The following INTS2 variants were observed in gnomAD, a reference collection of about 807,000 sequenced individuals.
INTS2 encodes KIAA1287.
INTS2 carries 57 observed loss-of-function variants against 139.6 expected under a neutral mutation model. That is an observed-to-expected ratio of 0.41 (90% CI 0.33 to 0.51). The LOEUF is 0.51. Among genes scored for constraint, INTS2 ranks in the 20% least tolerant of loss-of-function variants. INTS2 has a pLI of 0.28. For missense variants in INTS2, 1,196 were observed against 1,436.7 expected, an observed-to-expected ratio of 0.83 and a Z score of 2.71; for synonymous variants, 473 against 493.4, an observed-to-expected ratio of 0.96 and a Z score of 0.55.
Position 61,927,685 on chromosome 17 carries a change from G to C in INTS2, c.-50C>G, listed in dbSNP as rs564194117. Reference sequence around the variant, plus strand: ...ATCTACCCTCCAGCCTCACGGAACCGCACACGGACTCCGCGTCCTAGAGGC... The same window carrying C: ...ATCTACCCTCCAGCCTCACGGAACCCCACACGGACTCCGCGTCCTAGAGGC... On this transcript the variant is annotated 5_prime_UTR_variant, in exon 1 of 25. Coordinates refer to ENST00000251334, the MANE Select transcript of INTS2 (RefSeq NM_001351695.2). 2.1e-6 allele frequency: 3 copies of C among 1,430,806 alleles called. No individual in the cohort carries two copies. The highest frequency in any genetic ancestry group is 5.1e-5 in the East Asian group (2 of 38,884). 88.6% of individuals were successfully genotyped at this position (1,430,806 alleles called of 1,614,324 possible).
chr17:61,908,306 T>C (rs2079487593), intron 7 of INTS2, among the ~76,000 whole-genome samples: 1 of 152,070 alleles, frequency 6.6e-6, no homozygotes, highest in African/African-American at 2.4e-5. Flanking sequence ...TCCCAGCTAC[T>C]TGGGAGGCTG....
intron 11 of INTS2, among the ~76,000 whole-genome samples, chr17:61,896,260 A>AAAAC (rs2079348347): frequency 6.6e-6 from 1 of 151,388 alleles, no homozygotes; most frequent in African/African-American, 2.4e-5. Flanking sequence ...AACAAAAAAA[A>AAAAC]AACATTTAAT....
rs1033339683 is a variant in INTS2 at position 61,867,146 on chromosome 17, C to A, written c.*411G>T. The A allele has an allele frequency of 3.3e-5, 5 of 152,886 alleles. No individual in the cohort carries two copies. Among genetic ancestry groups the A allele is most frequent in the African/African-American group, 1.2e-4 (5 of 41,444 alleles). 9.5% of individuals were successfully genotyped at this position (152,886 alleles called of 1,614,324 possible). A position where few individuals can be genotyped will look rare whatever the true frequency, so the allele number is the denominator to read the frequency against. ...ACCCTTTTTTCCTCTCCCATCTTTG[C>A]ATCTTTGTCACATTCTGTTACAAGC... On this transcript the variant is annotated 3_prime_UTR_variant, in exon 25 of 25. Transcript: ENST00000251334. The surrounding 1 kb of genome is among the most constrained non-coding windows in gnomAD (Gnocchi z 5.6).
At chr17:61,925,444 G>A (rs1325372513) in intron 2 of INTS2, among the ~76,000 whole-genome samples, 3 of 152,036 alleles carry the variant, frequency 2.0e-5, no homozygotes, top group Non-Finnish European at 4.4e-5. Context: ...GGGCATGGTG[G>A]CGCGTGCCTG....
intron 5 of INTS2, among the ~76,000 whole-genome samples, chr17:61,914,721 A>T (rs2079562196): frequency 6.6e-6 from 1 of 151,392 alleles, no homozygotes; most frequent in Non-Finnish European, 1.5e-5. Context: ...AAAAAAAAAA[A>T]AAATTATCTG....
intron 15 of INTS2, 116 bp from the exon 16 acceptor site, chr17:61,885,121 G>A: frequency 1.5e-6 from 1 of 665,680 alleles, no homozygotes; most frequent in Non-Finnish European, 2.6e-6. Context: ...CAATTAACCT[G>A]CGAATATAGC....
rs536333291 is a variant in INTS2 at position 61,889,449 on chromosome 17, ACT to A, written c.1984+335_1984+336del. Among the ~76,000 whole-genome samples, 27 of 152,168 alleles carry A rather than the reference ACT, an allele frequency of 1.8e-4. No homozygotes were observed. In the South Asian group the frequency reaches 5.2e-3, roughly 29 times the overall value. On this transcript the variant is annotated intron_variant, in intron 15 of 24. Transcript: ENST00000251334. ...CTAATGGAAGGAAGACCGGTCAAAGACTCAACTCAAATCAAGAGAAAAAAATT... is the reference window on the plus strand; with the variant it reads ...CTAATGGAAGGAAGACCGGTCAAAGACAACTCAAATCAAGAGAAAAAAATT...
chr17:61,881,019 G>T lies in INTS2; in HGVS notation c.2242C>A (p.Gln748Lys), dbSNP rs776873126. 1 of 1,613,496 alleles carries T rather than the reference G, an allele frequency of 6.2e-7. No homozygotes were observed. Among genetic ancestry groups the T allele is most frequent in the Non-Finnish European group, 8.5e-7 (1 of 1,179,482 alleles). The part of the protein sequence containing the change: ...TNNAKNHSPK[Q>K]LQEAFSAVPV... The stretch of plus-strand genomic sequence containing the variant: ...TAATTTACTATACCTTCTTGGAGTT[G>T]TTTGGGAGAATGATTTTTAGCATTA... The change falls in exon 17 of 25, where the codon CAA becomes AAA. Residue 748 changes from glutamine (Q) to lysine (K), a missense_variant. Gln to Lys is a moderately conservative substitution (Grantham distance 53, BLOSUM62 1). This residue lies in a region of INTS2 where 1,129 missense variants were observed against 1,341.9 expected (regional missense o/e 0.84). Coordinates refer to ENST00000251334, the MANE Select transcript of INTS2 (RefSeq NM_001351695.2).
At chr17:61,908,503 C>T (rs569905077) in intron 7 of INTS2, among the ~76,000 whole-genome samples, 1 of 152,224 alleles carries the variant, frequency 6.6e-6, no homozygotes, top group South Asian at 2.1e-4. Flanking sequence ...TCTGCACAGT[C>T]GAACATTGTG....
At position 61,903,019 on chromosome 17, in the gene INTS2, G is replaced by T. The variant is rs573645321; in HGVS notation, c.1307+1441C>A. ...GTCTCTACTAAAAATACAAAAATTA[G>T]CCGGGCGTGGTGGCAGGCTCCTGTA... On this transcript the variant is annotated intron_variant, in intron 9 of 24. Coordinates refer to ENST00000251334, the MANE Select transcript of INTS2 (RefSeq NM_001351695.2). Among the ~76,000 whole-genome samples, 10 of 151,010 alleles carry T rather than the reference G, an allele frequency of 6.6e-5. 1 individual carries two copies. In the South Asian group the frequency reaches 2.1e-3, roughly 32 times the overall value.
chr17:61,897,822 G>T lies in INTS2; in HGVS notation c.1308-83C>A. The T allele has an allele frequency of 1.0e-6, 1 of 1,003,750 alleles. No homozygotes were observed. Among genetic ancestry groups the T allele is most frequent in the Non-Finnish European group, 1.5e-6 (1 of 672,620 alleles). The allele number at this position is 1,003,750 out of a possible 1,614,324, so 62.2% of individuals were successfully genotyped here. A position where few individuals can be genotyped will look rare whatever the true frequency, so the allele number is the denominator to read the frequency against. The stretch of plus-strand genomic sequence containing the variant: ...AAAAAGCATTCTGAAGTTATTTTTG[G>T]TAGAAATTATTTTTCCTGCCCTATT... On this transcript the variant is annotated intron_variant, in intron 9 of 24. Transcript: ENST00000251334. This position sits in a 1 kb window ranked among gnomAD's most constrained non-coding sequence, Gnocchi z 4.4.
intron 12 of INTS2, among the ~76,000 whole-genome samples, chr17:61,894,824 G>C (rs1175091269): frequency 1.3e-5 from 2 of 149,120 alleles, no homozygotes; most frequent in Admixed American, 1.3e-4. Context: ...TACTAGCCTG[G>C]GTGACAAAGT....
intron 2 of INTS2, 60 bp downstream of exon 2, chr17:61,926,292 A>G: frequency 7.3e-7 from 1 of 1,366,656 alleles, no homozygotes; most frequent in East Asian, 2.3e-5. Flanking sequence ...GCTCTAAAAA[A>G]TATCTGATTC....
At chr17:61,925,318 C>T (rs1175177749) in intron 2 of INTS2, among the ~76,000 whole-genome samples, 4 of 152,306 alleles carry the variant, frequency 2.6e-5, no homozygotes, top group Non-Finnish European at 4.4e-5. Context: ...CAGTGGCTCA[C>T]GCCGGTAATC....
At chr17:61,887,772 G>A (rs566837448) in intron 15 of INTS2, among the ~76,000 whole-genome samples, 1 of 152,100 alleles carries the variant, frequency 6.6e-6, no homozygotes, top group South Asian at 2.1e-4. Context: ...GAAAATCCAG[G>A]CCGGGTGTGA....
At chr17:61,920,802 CA>C (rs1031734855) in intron 4 of INTS2, among the ~76,000 whole-genome samples, 5 of 145,904 alleles carry the variant, frequency 3.4e-5, no homozygotes, top group Admixed American at 6.8e-5. Context: ...GACTCCATCT[CA>C]AAAAAAAAAG....
chr17:61,927,610 G>A lies in INTS2; in HGVS notation c.-19+44C>T, dbSNP rs150861280. On this transcript the variant is annotated intron_variant, in intron 1 of 24. Coordinates refer to ENST00000251334, the MANE Select transcript of INTS2 (RefSeq NM_001351695.2). The stretch of plus-strand genomic sequence containing the variant: ...GCAAAGTCTGGCCAGGCTCCGACAC[G>A]GACCTAGGAACGCGCTGAGGCCAGA... 9.5e-6 allele frequency: 12 copies of A among 1,269,492 alleles called. No homozygotes were observed. The East Asian group carries it at 3.7e-4, about 39-fold the overall frequency. 78.6% of individuals were successfully genotyped at this position (1,269,492 alleles called of 1,614,324 possible).
chr17:61,877,848 TA>T (rs2079139014), intron 18 of INTS2, 38 bp downstream of exon 18: 3 of 1,500,734 alleles, frequency 2.0e-6, no homozygotes, highest in Non-Finnish European at 1.9e-6. Context: ...ATCCCTGCTA[TA>T]TAATTATCTA....
rs1239126361 is a variant in INTS2 at position 61,893,465 on chromosome 17, A to T, written c.1698+300T>A. Among the ~76,000 whole-genome samples, 1 of 152,090 alleles carries T rather than the reference A, an allele frequency of 6.6e-6. No individual in the cohort carries two copies. The highest frequency in any genetic ancestry group is 6.6e-5 in the Admixed American group (1 of 15,264). On this transcript the variant is annotated intron_variant, in intron 13 of 24. Coordinates refer to ENST00000251334, the MANE Select transcript of INTS2 (RefSeq NM_001351695.2). This position sits in a 1 kb window ranked among gnomAD's most constrained non-coding sequence, Gnocchi z 5.4. ...AATCCCAGCACTTTGGTCGGTTGAG[A>T]CAGGCATATCACTTGAGGTCAGGAG...
Sources: gnomAD v4.1 joint callset for allele counts (sites outside exome capture counted in the v4.1 genomes callset) on GRCh38, gnomAD v4.1.1 for gene constraint, gnomAD v4.1.1 regional missense constraint, Gnocchi (gnomAD v3.1) non-coding constraint, MANE v1.5 for transcripts, NCBI Gene and HGNC (gene_info 2026-07-23, HGNC 2026-07-21) for gene names.